NAA25: variants seen among roughly 807,000 people sequenced by gnomAD.
NAA25 encodes the protein N-alpha-acetyltransferase 25, NatB auxiliary subunit, also known as N-terminal acetyltransferase B complex subunit NAA25.
Under a neutral mutation model 132.5 loss-of-function variants are expected in NAA25, and 30 were observed. That is an observed-to-expected ratio of 0.23 (90% CI 0.17 to 0.31). The LOEUF (loss-of-function observed/expected upper bound fraction) is 0.31. Among genes scored for constraint, NAA25 ranks in the 10% least tolerant of loss-of-function variants. The probability of loss-of-function intolerance (pLI) is 1.00; values close to 1 mark genes in which losing one functional copy is unlikely to be tolerated. For missense variants in NAA25, 771 were observed against 1,150.4 expected, an observed-to-expected ratio of 0.67 and a Z score of 4.77; for synonymous variants, 359 against 401.9, an observed-to-expected ratio of 0.89 and a Z score of 1.28.
chr12:112,049,171 T>C lies in NAA25; in HGVS notation c.1729-728A>G, dbSNP rs1325357728. ...TGCTTTAATTGTAGCTTAATACATA[T>C]ACAGAGATCAAACATTACAGAACAG... On this transcript the variant is annotated intron_variant, in intron 15 of 23. Coordinates refer to ENST00000261745, the MANE Select transcript of NAA25 (RefSeq NM_024953.4). The surrounding 1 kb of genome is among the most constrained non-coding windows in gnomAD (Gnocchi z 4.7). Among the ~76,000 whole-genome samples the C allele has an allele frequency of 2.0e-5, 3 of 152,192 alleles. No homozygotes were observed. The highest frequency in any genetic ancestry group is 7.2e-5 in the African/African-American group (3 of 41,448).
chr12:112,039,797 T>C (rs542853181), intron 21 of NAA25: 16 of 161,846 alleles, frequency 9.9e-5, no homozygotes, highest in African/African-American at 3.6e-4. Context: ...ATCTACCCAG[T>C]TGATCAGTAC....
intron 15 of NAA25, among the ~76,000 whole-genome samples, chr12:112,053,194 C>T (rs1381437543): frequency 6.6e-6 from 1 of 152,224 alleles, no homozygotes; most frequent in East Asian, 1.9e-4. Context: ...CAGAGAGCAG[C>T]TGCTATTGCA....
intron 1 of NAA25, among the ~76,000 whole-genome samples, chr12:112,101,904 T>A (rs1189850438): frequency 6.6e-6 from 1 of 151,276 alleles, no homozygotes; most frequent in Non-Finnish European, 1.5e-5. Flanking sequence ...TCTAGCTTTG[T>A]CACCCAGGCT....
intron 12 of NAA25, among the ~76,000 whole-genome samples, 156 bp from the exon 13 acceptor site, chr12:112,060,515 G>T (rs989660996): frequency 6.6e-6 from 1 of 152,114 alleles, no homozygotes; most frequent in Non-Finnish European, 1.5e-5. Context: ...TATAAGCCAC[G>T]ATTCAAAGGG....
intron 4 of NAA25, among the ~76,000 whole-genome samples, chr12:112,082,175 G>A (rs1040601049): frequency 1.3e-5 from 2 of 152,154 alleles, no homozygotes; most frequent in African/African-American, 2.4e-5. Context: ...TTGAACCCGG[G>A]AGGCAGAGGT....
chr12:112,097,942 A>T (rs562837179), intron 1 of NAA25, among the ~76,000 whole-genome samples: 10 of 151,772 alleles, frequency 6.6e-5, no homozygotes, highest in Admixed American at 6.6e-4. Flanking sequence ...ACACGGTGAA[A>T]CCCCGTCTCT....
At position 112,033,216 on chromosome 12, in the gene NAA25, T is replaced by A. The variant is rs58188178; in HGVS notation, c.2796+17A>T. On this transcript the variant is annotated intron_variant, in intron 23 of 23. Transcript: ENST00000261745. ...TGTGTGTGTAGAAAACATTGCCGAT[T>A]GCCTACAATCTCTTACCGGTGAGAG... is the stretch of plus-strand genomic sequence containing the variant. 2,936 of 1,591,404 alleles carry A rather than the reference T, an allele frequency of 1.8e-3. 36 individuals carry two copies. In the African/African-American group the frequency reaches 0.031, roughly 17 times the overall value.
chr12:112,096,604 A>AG (rs1309434812), intron 1 of NAA25, among the ~76,000 whole-genome samples: 1 of 152,182 alleles, frequency 6.6e-6, no homozygotes, highest in East Asian at 1.9e-4. Flanking sequence ...TATTCTGGAG[A>AG]GGCATTGGAG....
intron 3 of NAA25, chr12:112,090,218 T>C (rs1434852013): frequency 6.6e-6 from 1 of 152,196 alleles, no homozygotes; most frequent in Admixed American, 6.6e-5. Flanking sequence ...AACAAGATTA[T>C]TGTATAATAT....
chr12:112,084,142 A>G (rs1032328682), intron 4 of NAA25, among the ~76,000 whole-genome samples: 1 of 152,196 alleles, frequency 6.6e-6, no homozygotes, highest in Non-Finnish European at 1.5e-5. Context: ...ATTTACAGGA[A>G]AAGAAAAGCC....
intron 18 of NAA25, among the ~76,000 whole-genome samples, 161 bp from the exon 19 acceptor site, chr12:112,043,372 TTTATA>T (rs1316854906): frequency 6.6e-6 from 1 of 152,138 alleles, no homozygotes; most frequent in African/African-American, 2.4e-5. Context: ...AAACAGAACA[TTTATA>T]TTAATTTGTT....
chr12:112,107,381 G>GTTT (rs572332388), intron 1 of NAA25, among the ~76,000 whole-genome samples: 2 of 145,644 alleles, frequency 1.4e-5, no homozygotes, highest in African/African-American at 2.5e-5. Context: ...TTCCTCATCT[G>GTTT]TTTTTTTTTT....
At chr12:112,068,017 C>A (rs1218390125) in intron 11 of NAA25, among the ~76,000 whole-genome samples, 4 of 151,950 alleles carry the variant, frequency 2.6e-5, no homozygotes, top group Non-Finnish European at 5.9e-5. Context: ...GGATTACAGG[C>A]GTAAGCCACC....
chr12:112,061,527 A>G (rs1301348196), intron 11 of NAA25, 139 bp from the exon 12 acceptor site: 2 of 693,368 alleles, frequency 2.9e-6, no homozygotes, highest in Non-Finnish European at 4.7e-6. Flanking sequence ...ACCATTTTCT[A>G]TCTACCAAAA....
intron 11 of NAA25, among the ~76,000 whole-genome samples, chr12:112,062,116 G>C (rs1429267496): frequency 6.6e-6 from 1 of 152,108 alleles, no homozygotes; most frequent in African/African-American, 2.4e-5. Context: ...AAAAGAAGAG[G>C]CTGGGTGCAG....
intron 1 of NAA25, among the ~76,000 whole-genome samples, chr12:112,105,701 A>G (rs1437201212): frequency 6.6e-6 from 1 of 152,240 alleles, no homozygotes. Context: ...CCTTGGCAGT[A>G]CAAATACTGT....
intron 16 of NAA25, 49 bp downstream of exon 16, chr12:112,048,243 C>CA: frequency 6.4e-7 from 1 of 1,564,506 alleles, no homozygotes; most frequent in South Asian, 1.2e-5. Context: ...TGGCTCTTAA[C>CA]AACTGATCTA....
In NAA25 at chr12:112,075,694, G is replaced by A. The variant is rs772974081; in HGVS notation, c.760C>T (p.Arg254Cys). Residue 254 changes from arginine (R) to cysteine (C), a missense_variant, in exon 8 of 24, where the codon CGC becomes TGC. Arg to Cys is a radical substitution (Grantham distance 180). This residue lies in a region of NAA25 where 417 missense variants were observed against 733.8 expected (regional missense o/e 0.57). Coordinates refer to ENST00000261745, the MANE Select transcript of NAA25 (RefSeq NM_024953.4). ...TTTACTCACTTTTTTAGTAAGAGGC[G>A]CCGGGAAAGGGCATTGCACTCTGGC... The part of the protein sequence containing the change: ...RWPECNALSR[R>C]LLLKNSDDWQ... The A allele has an allele frequency of 3.1e-6, 5 of 1,613,598 alleles. No homozygotes were observed. Among genetic ancestry groups the A allele is most frequent in the Non-Finnish European group, 2.5e-6 (3 of 1,179,702 alleles).
intron 12 of NAA25, among the ~76,000 whole-genome samples, chr12:112,060,773 T>C (rs1049645969): frequency 6.6e-5 from 10 of 152,352 alleles, no homozygotes; most frequent in Admixed American, 3.9e-4. Context: ...CACATATATC[T>C]AGCAAAGGCC....
Sources: allele counts gnomAD v4.1 joint callset (sites outside exome capture counted in the v4.1 genomes callset), GRCh38; gene constraint gnomAD v4.1.1; regional missense constraint gnomAD v4.1.1; non-coding constraint Gnocchi (gnomAD v3.1); transcripts MANE v1.5; gene names NCBI Gene and HGNC (gene_info 2026-07-23, HGNC 2026-07-21).